Variants in MAF observed in about 807,000 individuals in gnomAD.
MAF encodes transcription factor Maf.
Under a neutral mutation model 22.0 loss-of-function variants are expected in MAF, and 10 were observed. That is an observed-to-expected ratio of 0.45 (90% CI 0.28 to 0.77). MAF has a LOEUF of 0.77. Among genes scored for constraint, MAF ranks in the 30% least tolerant of loss-of-function variants. MAF has a pLI of 0.12. For synonymous variants in MAF, 337 were observed against 255.8 expected (o/e 1.32, Z -3.03); for missense variants, 544 against 548.4 (o/e 0.99, Z 0.08).
At chr16:79,497,987 G>T in the MAF span, among the ~76,000 whole-genome samples, 1 of 152,172 alleles carries the variant, frequency 6.6e-6, no homozygotes, top group Non-Finnish European at 1.5e-5. Context: ...AACAAGATAT[G>T]CACAGAGACT....
chr16:79,558,184 G>A, the MAF span, among the ~76,000 whole-genome samples: 1 of 152,166 alleles, frequency 6.6e-6, no homozygotes, highest in East Asian at 1.9e-4. Context: ...TTATTAGCAC[G>A]AGGATTGTTG....
the MAF span, among the ~76,000 whole-genome samples, chr16:79,466,259 G>A: frequency 6.6e-6 from 1 of 152,130 alleles, no homozygotes; most frequent in Non-Finnish European, 1.5e-5. Context: ...ACAGGTAACT[G>A]AAGGGCACCT....
chr16:79,229,629 G>A, the MAF span, among the ~76,000 whole-genome samples: 1 of 152,072 alleles, frequency 6.6e-6, no homozygotes, highest in African/African-American at 2.4e-5. Flanking sequence ...GTGAGGACAA[G>A]GCGAACAGAC....
the MAF span, among the ~76,000 whole-genome samples, chr16:79,526,251 T>G: frequency 6.6e-6 from 1 of 152,120 alleles, no homozygotes; most frequent in African/African-American, 2.4e-5. Context: ...GATTTCAGGA[T>G]GAAACTATTC....
the MAF span, among the ~76,000 whole-genome samples, chr16:79,393,585 T>C: frequency 6.6e-6 from 1 of 152,170 alleles, no homozygotes; most frequent in Admixed American, 6.5e-5. Context: ...TTTAGGGGAA[T>C]TAACCAGCTC....
the MAF span, among the ~76,000 whole-genome samples, chr16:79,264,239 C>G: frequency 3.3e-5 from 5 of 152,144 alleles, no homozygotes; most frequent in African/African-American, 9.7e-5. Context: ...ATAGAGAAAC[C>G]TTAGCTTGAA....
the MAF span, chr16:79,212,979 G>GAGTT: frequency 6.6e-6 from 1 of 151,976 alleles, no homozygotes; most frequent in Non-Finnish European, 1.5e-5. Context: ...TACTTACAGT[G>GAGTT]AGTTATTTTA....
chr16:79,504,216 G>A, the MAF span, among the ~76,000 whole-genome samples: 1 of 152,150 alleles, frequency 6.6e-6, no homozygotes, highest in Non-Finnish European at 1.5e-5. Context: ...ACCATTTTTA[G>A]AAAGAAGGAG....
chr16:79,317,507 C>T, the MAF span, among the ~76,000 whole-genome samples: 1 of 134,134 alleles, frequency 7.5e-6, no homozygotes, highest in Non-Finnish European at 1.6e-5. Context: ...CCTTTCTTTT[C>T]TGCCTCCCTC....
the MAF span, among the ~76,000 whole-genome samples, chr16:79,578,052 G>A: frequency 2.6e-5 from 4 of 151,984 alleles, no homozygotes; most frequent in African/African-American, 4.8e-5. Flanking sequence ...CTGAACTAAT[G>A]AGCCCATAAT....
the MAF span, among the ~76,000 whole-genome samples, chr16:79,402,045 C>G: frequency 6.6e-6 from 1 of 152,182 alleles, no homozygotes; most frequent in Admixed American, 6.5e-5. Context: ...TGGCTAGAAA[C>G]ATGGACTGTG....
the MAF span, among the ~76,000 whole-genome samples, chr16:79,473,943 G>A: frequency 1.3e-5 from 2 of 152,142 alleles, no homozygotes; most frequent in African/African-American, 4.8e-5. Context: ...GGGGGTTATG[G>A]TTTATAAAGT....
chr16:79,212,092 G>C, the MAF span: 1 of 1,536,146 alleles, frequency 6.5e-7, no homozygotes, highest in Non-Finnish European at 8.7e-7. Flanking sequence ...CCCTGGAGAA[G>C]CACCAGCAAT....
At chr16:79,421,974 C>T in the MAF span, among the ~76,000 whole-genome samples, 2 of 152,102 alleles carry the variant, frequency 1.3e-5, no homozygotes, top group Non-Finnish European at 2.9e-5. Flanking sequence ...GATGGGGTTT[C>T]ACCATGTTGG....
the MAF span, among the ~76,000 whole-genome samples, chr16:79,376,680 C>T: frequency 6.6e-6 from 1 of 152,054 alleles, no homozygotes; most frequent in Admixed American, 6.5e-5. Context: ...CTCTCTCCTC[C>T]CCCCACCCTA....
chr16:79,349,722 G>C, the MAF span, among the ~76,000 whole-genome samples: 1 of 152,162 alleles, frequency 6.6e-6, no homozygotes, highest in African/African-American at 2.4e-5. Flanking sequence ...ACTCTCTCTT[G>C]CTTTAGGCCA....
the MAF span, among the ~76,000 whole-genome samples, chr16:79,263,458 G>C: frequency 6.6e-6 from 1 of 152,156 alleles, no homozygotes; most frequent in Non-Finnish European, 1.5e-5. Flanking sequence ...TTTGTAATTT[G>C]GGCCTGAACC....
the MAF span, among the ~76,000 whole-genome samples, chr16:79,558,549 G>A: frequency 6.6e-5 from 10 of 152,174 alleles, no homozygotes. Flanking sequence ...GGGAAGATTG[G>A]CATCAGACTT....
chr16:79,429,413 T>C, the MAF span, among the ~76,000 whole-genome samples: 1 of 152,150 alleles, frequency 6.6e-6, no homozygotes, highest in Non-Finnish European at 1.5e-5. Flanking sequence ...TACGCAGCGT[T>C]TTCTGTCCCT....
Sources: gnomAD v4.1 joint callset for allele counts (sites outside exome capture counted in the v4.1 genomes callset) on GRCh38, gnomAD v4.1.1 for gene constraint, MANE v1.5 for transcripts, NCBI Gene and HGNC (gene_info 2026-07-23, HGNC 2026-07-21) for gene names.